The following UNC5C variants were observed in gnomAD, a reference collection of about 807,000 sequenced individuals.
The protein encoded by UNC5C is unc-5 netrin receptor C, also known as netrin receptor UNC5C.
A neutral mutation model predicts 99.8 loss-of-function variants in UNC5C; 47 were observed. The observed-to-expected ratio is 0.47, with a 90% confidence interval of 0.37 to 0.60. UNC5C has a LOEUF of 0.60. Ranked by LOEUF, UNC5C falls within the 20% of genes least tolerant of loss-of-function variation. The probability of loss-of-function intolerance (pLI) is 0.00; values close to 1 mark genes in which losing one functional copy is unlikely to be tolerated. For missense variants in UNC5C, 1,062 were observed against 1,165.9 expected, an observed-to-expected ratio of 0.91 and a Z score of 1.30; for synonymous variants, 487 against 452.2, an observed-to-expected ratio of 1.08 and a Z score of -0.98.
intron 3 of UNC5C, among the ~76,000 whole-genome samples, chr4:95,295,823 G>A (rs1160462275): frequency 2.6e-5 from 4 of 152,204 alleles, no homozygotes; most frequent in Admixed American, 2.6e-4. Flanking sequence ...AGTGGCTCAC[G>A]CCTATAATCC....
intron 1 of UNC5C, among the ~76,000 whole-genome samples, chr4:95,383,701 T>G (rs1329982274): frequency 6.6e-6 from 1 of 152,210 alleles, no homozygotes; most frequent in Non-Finnish European, 1.5e-5. Flanking sequence ...TAGATTGAAT[T>G]TAATCATTGC....
At chr4:95,181,761 G>C (rs914157359) in intron 14 of UNC5C, among the ~76,000 whole-genome samples, 16 of 152,178 alleles carry the variant, frequency 1.1e-4, no homozygotes, top group African/African-American at 3.9e-4. Context: ...CACCTCGGCA[G>C]GCTGTGGGAA....
intron 1 of UNC5C, among the ~76,000 whole-genome samples, chr4:95,455,002 T>C (rs1445154414): frequency 1.3e-5 from 2 of 152,052 alleles, no homozygotes; most frequent in African/African-American, 2.4e-5. Context: ...CTCAAAAACT[T>C]GAAAATAATA....
intron 13 of UNC5C, among the ~76,000 whole-genome samples, chr4:95,183,807 G>A (rs894682308): frequency 5.3e-5 from 8 of 152,302 alleles, no homozygotes; most frequent in Non-Finnish European, 1.0e-4. Flanking sequence ...TCGCTTACTT[G>A]ATAACCTGGG....
At chr4:95,399,195 C>CA (rs1244188096) in intron 1 of UNC5C, among the ~76,000 whole-genome samples, 8 of 151,808 alleles carry the variant, frequency 5.3e-5, no homozygotes, top group Middle Eastern at 3.4e-3. Context: ...TTAAAAAGGA[C>CA]AAAAAAATGA....
At chr4:95,387,926 G>A (rs1028671541) in intron 1 of UNC5C, among the ~76,000 whole-genome samples, 4 of 152,148 alleles carry the variant, frequency 2.6e-5, no homozygotes, top group Non-Finnish European at 4.4e-5. Flanking sequence ...AGTAAAACCC[G>A]TAAGAATTCT....
At chr4:95,421,890 C>A (rs919831701) in intron 1 of UNC5C, among the ~76,000 whole-genome samples, 1 of 152,124 alleles carries the variant, frequency 6.6e-6, no homozygotes, top group African/African-American at 2.4e-5. Context: ...GAAGACTTAG[C>A]TGCTTTTCTT....
chr4:95,328,968 G>A (rs13151463), intron 2 of UNC5C, among the ~76,000 whole-genome samples: 60,708 of 151,954 alleles, frequency 0.4, 13,711 homozygotes, highest in East Asian at 0.83. Context: ...GTTTGAGTGT[G>A]GCTTAAAGAG....
chr4:95,480,635 C>T (rs1390106063), intron 1 of UNC5C, among the ~76,000 whole-genome samples: 1 of 151,972 alleles, frequency 6.6e-6, no homozygotes, highest in African/African-American at 2.4e-5. Flanking sequence ...AAGAATCCAG[C>T]AGCACATCAA....
intron 1 of UNC5C, among the ~76,000 whole-genome samples, chr4:95,357,547 C>A (rs755681478): frequency 3.9e-5 from 6 of 152,102 alleles, no homozygotes; most frequent in Non-Finnish European, 7.4e-5. Context: ...CTTTGGGAGG[C>A]TGAGGCCAGA....
chr4:95,373,236 C>G (rs1342304545), intron 1 of UNC5C, among the ~76,000 whole-genome samples: 1 of 152,170 alleles, frequency 6.6e-6, no homozygotes, highest in Non-Finnish European at 1.5e-5. Flanking sequence ...TAACTGTTCC[C>G]CGGCTTTCCA....
chr4:95,189,157 C>T (rs1278513738), intron 12 of UNC5C, among the ~76,000 whole-genome samples: 1 of 152,158 alleles, frequency 6.6e-6, no homozygotes, highest in Non-Finnish European at 1.5e-5. Context: ...AGAAGTTGTC[C>T]TTCCTACTGG....
At chr4:95,483,030 T>G (rs1301325576) in intron 1 of UNC5C, among the ~76,000 whole-genome samples, 2 of 143,974 alleles carry the variant, frequency 1.4e-5, no homozygotes, top group Non-Finnish European at 3.0e-5. Flanking sequence ...ATAATAATAA[T>G]AATAATAATA....
intron 1 of UNC5C, among the ~76,000 whole-genome samples, chr4:95,421,324 G>A (rs900599275): frequency 1.3e-5 from 2 of 152,070 alleles, no homozygotes; most frequent in African/African-American, 2.4e-5. Context: ...AGAGAACAGG[G>A]GAGACCCCAA....
intron 4 of UNC5C, among the ~76,000 whole-genome samples, chr4:95,266,730 C>A (rs533241944): frequency 6.6e-6 from 1 of 152,246 alleles, no homozygotes; most frequent in South Asian, 2.1e-4. Flanking sequence ...ATTCAGCAAC[C>A]CTCACATTTC....
chr4:95,287,592 C>A (rs1474264299), intron 3 of UNC5C, among the ~76,000 whole-genome samples: 1 of 152,146 alleles, frequency 6.6e-6, no homozygotes, highest in Non-Finnish European at 1.5e-5. Flanking sequence ...GTGTCTATAC[C>A]TAACTGACCA....
intron 1 of UNC5C, among the ~76,000 whole-genome samples, chr4:95,482,139 A>C (rs1262247875): frequency 6.6e-6 from 1 of 152,128 alleles, no homozygotes; most frequent in Non-Finnish European, 1.5e-5. Flanking sequence ...CAGAATCTAC[A>C]ATGAACTCAA....
intron 1 of UNC5C, among the ~76,000 whole-genome samples, chr4:95,353,560 A>G (rs1268357387): frequency 6.6e-6 from 1 of 152,002 alleles, no homozygotes; most frequent in African/African-American, 2.4e-5. Flanking sequence ...AGAAGTCACA[A>G]GCATGGAAAA....
chr4:95,477,593 C>T (rs1720967559), intron 1 of UNC5C, among the ~76,000 whole-genome samples: 1 of 152,024 alleles, frequency 6.6e-6, no homozygotes, highest in African/African-American at 2.4e-5. Context: ...ACCTAAATTA[C>T]TCTGATGTGC....
Sources: gnomAD v4.1 joint callset for allele counts (sites outside exome capture counted in the v4.1 genomes callset) on GRCh38, gnomAD v4.1.1 for gene constraint, MANE v1.5 for transcripts, NCBI Gene and HGNC (gene_info 2026-07-23, HGNC 2026-07-21) for gene names.